PNKD: variants seen among roughly 807,000 people sequenced by gnomAD.
PNKD encodes the protein PNKD metallo-beta-lactamase domain containing, also known as probable thioesterase PNKD.
Under a neutral mutation model 45.3 loss-of-function variants are expected in PNKD, and 36 were observed. That is an observed-to-expected ratio of 0.80 (90% CI 0.61 to 1.05). The LOEUF is 1.05. Ranked by LOEUF, PNKD falls within the 50% of genes least tolerant of loss-of-function variation. PNKD has a pLI of 0.00. For missense variants in PNKD, 511 were observed against 506.6 expected, an observed-to-expected ratio of 1.01 and a Z score of -0.08; for synonymous variants, 197 against 210.1, an observed-to-expected ratio of 0.94 and a Z score of 0.54.
intron 2 of PNKD, among the ~76,000 whole-genome samples, chr2:218,319,371 CT>C (rs35553031): frequency 0.031 from 2,474 of 80,126 alleles, 60 homozygotes; most frequent in African/African-American, 0.11. Context: ...TCTTGTTTGT[CT>C]TTTTTTTTTT....
chr2:218,338,069 C>A (rs1009776796), intron 2 of PNKD, among the ~76,000 whole-genome samples: 1 of 151,992 alleles, frequency 6.6e-6, no homozygotes, highest in African/African-American at 2.4e-5. Flanking sequence ...ATCGCCTGAA[C>A]CTGGGAGGCA....
Position 218,345,579 on chromosome 2 carries a change from C to A in PNKD, c.*598C>A, listed in dbSNP as rs1299558107. The A allele has an allele frequency of 6.5e-6, 1 of 153,058 alleles. No individual in the cohort carries two copies. Among genetic ancestry groups the A allele is most frequent in the Non-Finnish European group, 1.5e-5 (1 of 68,570 alleles). 9.5% of individuals were successfully genotyped at this position (153,058 alleles called of 1,614,324 possible). On this transcript the variant is annotated 3_prime_UTR_variant, in exon 10 of 10. Transcript: ENST00000273077. ...AGCCATTCCTAAGAACACTGAAGGG[C>A]TGGAATGCTGGCTGGCCACTCTCTG... is the stretch of plus-strand genomic sequence containing the variant.
intron 2 of PNKD, chr2:218,275,521 A>G (rs1691100157): frequency 6.2e-7 from 1 of 1,614,156 alleles, no homozygotes; most frequent in Non-Finnish European, 8.5e-7. Context: ...GAAGATGTAG[A>G]TGATGTCTGT....
chr2:218,289,158 T>C (rs1054304458), intron 2 of PNKD, among the ~76,000 whole-genome samples: 3 of 152,116 alleles, frequency 2.0e-5, no homozygotes, highest in African/African-American at 7.2e-5. Flanking sequence ...ATCAAAACGA[T>C]AGATAGAAAG....
At chr2:218,292,152 T>C (rs1217733871) in intron 2 of PNKD, among the ~76,000 whole-genome samples, 3 of 152,190 alleles carry the variant, frequency 2.0e-5, no homozygotes, top group Non-Finnish European at 4.4e-5. Context: ...AGGCCACTCG[T>C]GCCCGAAAGA....
At position 218,326,395 on chromosome 2, in the gene PNKD, T is replaced by G. The variant is rs1694156487; in HGVS notation, c.237-13388T>G. ...TGTGGGGCCTGGGAGACAGTGTGGA[T>G]TGTAGCAAAGCACACAGCATGTGGG... On this transcript the variant is annotated intron_variant, in intron 2 of 9. Coordinates refer to ENST00000273077, the MANE Select transcript of PNKD (RefSeq NM_015488.5). This position sits in a 1 kb window ranked among gnomAD's most constrained non-coding sequence, Gnocchi z 4.1. Among the ~76,000 whole-genome samples the G allele has an allele frequency of 6.6e-6, 1 of 152,152 alleles. No homozygotes were observed. Among genetic ancestry groups the G allele is most frequent in the Admixed American group, 6.5e-5 (1 of 15,268 alleles).
intron 2 of PNKD, among the ~76,000 whole-genome samples, chr2:218,329,683 CCT>C (rs1227969673): frequency 6.6e-6 from 1 of 152,246 alleles, no homozygotes; most frequent in African/African-American, 2.4e-5. Flanking sequence ...CAGCCCTGTC[CCT>C]CTCCTGTGCA....
At chr2:218,344,704 A>G in intron 9 of PNKD, 104 bp from the exon 10 acceptor site, 1 of 1,427,052 alleles carries the variant, frequency 7.0e-7, no homozygotes, top group Non-Finnish European at 9.9e-7. Context: ...CCCTCAAGTC[A>G]GAACTCCTGA....
Position 218,344,818 on chromosome 2 carries a change from C to T in PNKD, c.995C>T (p.Thr332Ile), listed in dbSNP as rs1458911686. 6 of 1,613,782 alleles carry T rather than the reference C, an allele frequency of 3.7e-6. No individual in the cohort carries two copies. The highest frequency in any genetic ancestry group is 2.7e-5 in the African/African-American group (2 of 74,932). Residue 332 changes from threonine (T) to isoleucine (I), a missense_variant, in exon 10 of 10, where the codon ACC becomes ATC. By Grantham distance (89) the Thr-to-Ile change is moderately conservative (BLOSUM62 -1). Transcript: ENST00000273077. ...TCCTCTCACCCACAGTGCCCATCTA[C>T]CCTGGGAGAGGAGCGCTCCTACAAC... ...RLERKGTCPSTLGEERSYNPF... is the reference protein window; with the variant it reads ...RLERKGTCPSILGEERSYNPF...
intron 2 of PNKD, chr2:218,277,335 G>C (rs763639182): frequency 6.3e-7 from 1 of 1,598,770 alleles, no homozygotes; most frequent in Non-Finnish European, 8.6e-7. Flanking sequence ...GGGGAGTCGG[G>C]GGGCCAGGGA....
chr2:218,280,654 G>T (rs115656623), intron 2 of PNKD: 1,847 of 157,476 alleles, frequency 0.012, 41 homozygotes, highest in African/African-American at 0.042. Flanking sequence ...GGTGAGAGCT[G>T]GCTGACACCC....
In PNKD at chr2:218,287,892, A is replaced by G. The variant is rs534371033; in HGVS notation, c.236+16343A>G. 1.6e-3 allele frequency among the ~76,000 whole-genome samples: 247 copies of G among 152,218 alleles called. 1 individual carries two copies. Among genetic ancestry groups the G allele is most frequent in the Non-Finnish European group, 1.2e-3 (84 of 68,012 alleles). On this transcript the variant is annotated intron_variant, in intron 2 of 9. Coordinates refer to ENST00000273077, the MANE Select transcript of PNKD (RefSeq NM_015488.5). ...AGGACCCAGGCACCGCAGCTCCGCCACCCTTGTCTGGAGCAGAATCCTGTG... is the reference window on the plus strand; with the variant it reads ...AGGACCCAGGCACCGCAGCTCCGCCGCCCTTGTCTGGAGCAGAATCCTGTG...
intron 2 of PNKD, among the ~76,000 whole-genome samples, chr2:218,310,126 G>A (rs566586676): frequency 2.6e-5 from 4 of 152,242 alleles, no homozygotes; most frequent in East Asian, 1.9e-4. Context: ...CCAAGATGGC[G>A]TCTGTGGTTC....
In PNKD at chr2:218,339,884, C is replaced by G. The variant is rs752767974; in HGVS notation, c.338C>G (p.Pro113Arg). 1 of 1,608,584 alleles carries G rather than the reference C, an allele frequency of 6.2e-7. No individual in the cohort carries two copies. Among genetic ancestry groups the G allele is most frequent in the Non-Finnish European group, 8.5e-7 (1 of 1,176,640 alleles). ...RYPKGHSKTQ[P>R]RLFNGVKVLP... is the part of the protein sequence containing the mutation. The stretch of plus-strand genomic sequence containing the variant: ...CCTAAAGGCCACTCGAAAACCCAGC[C>G]CCGCCTCTTCAATGGTGAGCTCTGA... The change falls in exon 3 of 10, where the codon CCC becomes CGC. Residue 113 changes from proline (P) to arginine (R), a missense_variant. Physicochemically the swap from Pro to Arg is moderately radical, Grantham distance 103. Coordinates refer to ENST00000273077, the MANE Select transcript of PNKD (RefSeq NM_015488.5).
At chr2:218,297,119 T>C (rs1220429588) in intron 2 of PNKD, among the ~76,000 whole-genome samples, 1 of 152,198 alleles carries the variant, frequency 6.6e-6, no homozygotes, top group Non-Finnish European at 1.5e-5. Flanking sequence ...TGACCCAGCA[T>C]CTGTTGAATT....
At position 218,303,168 on chromosome 2, in the gene PNKD, C is replaced by G. The variant is rs114509413; in HGVS notation, c.236+31619C>G. Among the ~76,000 whole-genome samples the G allele has an allele frequency of 3.9e-3, 592 of 152,230 alleles. 5 individuals carry two copies. Among genetic ancestry groups the G allele is most frequent in the African/African-American group, 0.011 (470 of 41,540 alleles). On this transcript the variant is annotated intron_variant, in intron 2 of 9. Transcript: ENST00000273077. Reference sequence around the variant, plus strand: ...TGTTGGCCAGGATGGTCTTGAACTCCTGGCCTCAGTGATCTGCCCACCTTG... The same window carrying G: ...TGTTGGCCAGGATGGTCTTGAACTCGTGGCCTCAGTGATCTGCCCACCTTG...
rs544137720 is a variant in PNKD at position 218,340,060 on chromosome 2, G to A, written c.384G>A (p.Ser128=). 48 of 1,613,576 alleles carry A rather than the reference G, an allele frequency of 3.0e-5. No individual in the cohort carries two copies. Among genetic ancestry groups the A allele is most frequent in the African/African-American group, 1.5e-4 (11 of 74,992 alleles). ...AGGTGCTTCCCATCCCTGTCCTCTC[G>A]GACAACTACAGCTACCTCATCATCG... ...GVKVLPIPVL[S]DNYSYLIIDT... Residue 128 remains serine, a synonymous_variant, in exon 4 of 10, where the codon TCG becomes TCA. Coordinates refer to ENST00000273077, the MANE Select transcript of PNKD (RefSeq NM_015488.5). This position sits in a 1 kb window ranked among gnomAD's most constrained non-coding sequence, Gnocchi z 4.2.
intron 2 of PNKD, among the ~76,000 whole-genome samples, chr2:218,273,148 C>T (rs1275386049): frequency 1.3e-5 from 2 of 152,232 alleles, no homozygotes; most frequent in East Asian, 1.9e-4. Context: ...GGGTCCCGCT[C>T]AGCCTTGAAA....
chr2:218,277,120 G>T, intron 2 of PNKD: 1 of 1,608,222 alleles, frequency 6.2e-7, no homozygotes, highest in South Asian at 1.1e-5. Flanking sequence ...GCAAGAAAGA[G>T]GCACCTGTCA....
Sources: gnomAD v4.1 joint callset for allele counts (sites outside exome capture counted in the v4.1 genomes callset) on GRCh38, gnomAD v4.1.1 for gene constraint, Gnocchi (gnomAD v3.1) non-coding constraint, MANE v1.5 for transcripts, NCBI Gene and HGNC (gene_info 2026-07-23, HGNC 2026-07-21) for gene names.